The following SEMA6D variants were observed in gnomAD, a reference collection of about 807,000 sequenced individuals.
SEMA6D encodes the protein semaphorin-6D.
Under a neutral mutation model 106.6 loss-of-function variants are expected in SEMA6D, and 35 were observed. That is an observed-to-expected ratio of 0.33 (90% CI 0.25 to 0.44). SEMA6D has a LOEUF of 0.44. Among genes scored for constraint, SEMA6D ranks in the 20% least tolerant of loss-of-function variants. The pLI is 1.00. For synonymous variants in SEMA6D, 499 were observed against 487.7 expected, an observed-to-expected ratio of 1.02 and a Z score of -0.31; for missense variants, 1,185 against 1,345.9, an observed-to-expected ratio of 0.88 and a Z score of 1.87.
chr15:47,645,253 T>A (rs1189144389), intron 4 of SEMA6D, among the ~76,000 whole-genome samples: 1 of 152,148 alleles, frequency 6.6e-6, no homozygotes, highest in Non-Finnish European at 1.5e-5. Context: ...TTGTGGAAAA[T>A]GAGCGTCACT....
chr15:47,273,310 GACA>G (rs1036483069), intron 1 of SEMA6D, among the ~76,000 whole-genome samples: 4 of 151,074 alleles, frequency 2.6e-5, no homozygotes, highest in African/African-American at 4.9e-5. Context: ...CAGTTGCCCA[GACA>G]ACAACATCTC....
At chr15:47,218,420 C>T (rs980467447) in intron 1 of SEMA6D, among the ~76,000 whole-genome samples, 1 of 152,152 alleles carries the variant, frequency 6.6e-6, no homozygotes, top group African/African-American at 2.4e-5. Flanking sequence ...TCCGAGGTGG[C>T]TTGAGAATCT....
intron 1 of SEMA6D, among the ~76,000 whole-genome samples, chr15:47,342,674 C>T (rs932967399): frequency 1.3e-5 from 2 of 152,050 alleles, no homozygotes; most frequent in Non-Finnish European, 2.9e-5. Context: ...TTGCTGGGTG[C>T]TTGCGTCATT....
intron 1 of SEMA6D, among the ~76,000 whole-genome samples, chr15:47,299,921 C>G (rs2035952854): frequency 9.4e-5 from 1 of 10,594 alleles, no homozygotes; most frequent in South Asian, 9.6e-3. Context: ...AAAAACATGT[C>G]CATTAGTTAT....
intron 1 of SEMA6D, among the ~76,000 whole-genome samples, chr15:47,743,656 G>A (rs1034316510): frequency 1.3e-5 from 2 of 152,144 alleles, no homozygotes; most frequent in Non-Finnish European, 2.9e-5. Context: ...TTTCTCATGA[G>A]GAATCAGTCA....
chr15:47,494,774 ATATATATATATATAT>A (rs2043593142), intron 3 of SEMA6D, among the ~76,000 whole-genome samples: 2 of 96,996 alleles, frequency 2.1e-5, no homozygotes, highest in African/African-American at 9.2e-5. Context: ...ATATATATAT[ATATATATATATATAT>A]AATCTCCAGA....
At chr15:47,387,364 CAG>C (rs1452220467) in intron 1 of SEMA6D, among the ~76,000 whole-genome samples, 12 of 152,172 alleles carry the variant, frequency 7.9e-5, no homozygotes, top group African/African-American at 2.7e-4. Context: ...GGAAAGAAAA[CAG>C]AACATGAACT....
intron 3 of SEMA6D, among the ~76,000 whole-genome samples, chr15:47,508,817 A>G (rs1348609521): frequency 1.3e-5 from 2 of 152,198 alleles, no homozygotes; most frequent in African/African-American, 4.8e-5. Context: ...TGATCTTGTC[A>G]TGTTTCTTGA....
intron 3 of SEMA6D, among the ~76,000 whole-genome samples, chr15:47,545,892 A>C (rs747388584): frequency 1.8e-4 from 28 of 151,966 alleles, no homozygotes; most frequent in Non-Finnish European, 3.4e-4. Flanking sequence ...TTCCTCCCCC[A>C]GTGTGGCAAC....
At chr15:47,210,492 G>A (rs1458625587) in intron 1 of SEMA6D, among the ~76,000 whole-genome samples, 4 of 151,654 alleles carry the variant, frequency 2.6e-5, no homozygotes, top group African/African-American at 4.8e-5. Context: ...AATCCAAGCC[G>A]GGCCGGGCGC....
At chr15:47,248,755 A>G in intron 1 of SEMA6D, among the ~76,000 whole-genome samples, 1 of 152,218 alleles carries the variant, frequency 6.6e-6, no homozygotes, top group Non-Finnish European at 1.5e-5. Flanking sequence ...ACTCCCTAAT[A>G]GTTAGAGTTG....
At chr15:47,534,100 A>G (rs1050842642) in intron 3 of SEMA6D, among the ~76,000 whole-genome samples, 1 of 152,166 alleles carries the variant, frequency 6.6e-6, no homozygotes, top group Non-Finnish European at 1.5e-5. Context: ...ATCACCTGGA[A>G]GGAAAGAAGG....
intron 1 of SEMA6D, among the ~76,000 whole-genome samples, chr15:47,367,690 G>GCA (rs1211649920): frequency 1.1e-4 from 5 of 43,612 alleles, no homozygotes; most frequent in South Asian, 1.1e-3. Flanking sequence ...GCGCGCGCGC[G>GCA]CGCACACACA....
Position 47,760,434 on chromosome 15 carries a change from G to A in SEMA6D, c.221+19G>A. ...CTGGCAGGTAATTTTCCTCTCATTG[G>A]TTTATTAGATTAAAATTCTTTTCTC... is the stretch of plus-strand genomic sequence containing the variant. On this transcript the variant is annotated intron_variant, in intron 3 of 18. Coordinates refer to ENST00000536845, the MANE Select transcript of SEMA6D (RefSeq NM_001358351.3). 1 of 1,574,558 alleles carries A rather than the reference G, an allele frequency of 6.4e-7. No individual in the cohort carries two copies. The highest frequency in any genetic ancestry group is 8.7e-7 in the Non-Finnish European group (1 of 1,145,440).
chr15:47,216,838 A>G (rs2030665119), intron 1 of SEMA6D, among the ~76,000 whole-genome samples: 1 of 152,124 alleles, frequency 6.6e-6, no homozygotes, highest in Non-Finnish European at 1.5e-5. Flanking sequence ...GAGTTTGGCA[A>G]AAAAAATTAG....
chr15:47,446,386 C>T (rs937669559), intron 2 of SEMA6D, among the ~76,000 whole-genome samples: 2 of 152,084 alleles, frequency 1.3e-5, no homozygotes, highest in African/African-American at 4.8e-5. Context: ...TGTGTTAGTG[C>T]ACATATTATT....
Position 47,231,022 on chromosome 15 carries a change from G to T in SEMA6D, c.-239+46604G>T, listed in dbSNP as rs563975171. Among the ~76,000 whole-genome samples the T allele has an allele frequency of 8.6e-5, 13 of 151,834 alleles. No individual in the cohort carries two copies. The East Asian group carries it at 2.5e-3, about 30-fold the overall frequency. The stretch of plus-strand genomic sequence containing the variant: ...CTTTGTCTTTGTCCTCACAATCTAA[G>T]GCCTTGTTTCTTCACTTTTACCAAG... On this transcript the variant is annotated intron_variant, in intron 1 of 19. Transcript: ENST00000558014.
intron 1 of SEMA6D, among the ~76,000 whole-genome samples, chr15:47,367,536 T>G (rs2039076943): frequency 6.6e-6 from 1 of 152,166 alleles, no homozygotes; most frequent in African/African-American, 2.4e-5. Flanking sequence ...GTTCATTGCT[T>G]TATTATAATT....
At chr15:47,657,889 C>A (rs2077833961) in intron 4 of SEMA6D, among the ~76,000 whole-genome samples, 1 of 151,084 alleles carries the variant, frequency 6.6e-6, no homozygotes, top group Admixed American at 6.6e-5. Flanking sequence ...TACAGGGACC[C>A]CCCACCACGC....
Sources: allele counts gnomAD v4.1 joint callset (sites outside exome capture counted in the v4.1 genomes callset), GRCh38; gene constraint gnomAD v4.1.1; transcripts MANE v1.5; gene names NCBI Gene and HGNC (gene_info 2026-07-23, HGNC 2026-07-21).